NKAIN2: variants seen among roughly 807,000 people sequenced by gnomAD.
NKAIN2 encodes the protein sodium/potassium-transporting ATPase subunit beta-1-interacting protein 2.
Under a neutral mutation model 32.6 loss-of-function variants are expected in NKAIN2, and 14 were observed. The ratio of observed to expected loss-of-function variants is 0.43; its 90% CI spans 0.28 to 0.67. The LOEUF is 0.67. Among genes scored for constraint, NKAIN2 ranks in the 30% least tolerant of loss-of-function variants. The pLI is 0.17. For missense variants in NKAIN2, 198 were observed against 258.3 expected, an observed-to-expected ratio of 0.77 and a Z score of 1.60; for synonymous variants, 80 against 87.2, an observed-to-expected ratio of 0.92 and a Z score of 0.46.
chr6:124,647,407 C>T (rs1049109604), intron 3 of NKAIN2, among the ~76,000 whole-genome samples: 8 of 145,898 alleles, frequency 5.5e-5, no homozygotes, highest in South Asian at 2.2e-4. Context: ...ATTAGCCAGA[C>T]GTGCTCACTT....
chr6:124,211,108 G>A (rs1168286247), intron 1 of NKAIN2, among the ~76,000 whole-genome samples: 1 of 151,756 alleles, frequency 6.6e-6, no homozygotes, highest in Non-Finnish European at 1.5e-5. Flanking sequence ...CTGGAACAAT[G>A]TATATATTGT....
At chr6:124,780,827 C>A (rs766044453) in intron 4 of NKAIN2, among the ~76,000 whole-genome samples, 2 of 152,084 alleles carry the variant, frequency 1.3e-5, no homozygotes, top group Non-Finnish European at 2.9e-5. Context: ...TGTGTAGAAG[C>A]ACGTGTAAGC....
At position 124,180,867 on chromosome 6, in the gene NKAIN2, T is replaced by A. The variant is rs924996727; in HGVS notation, c.55-102138T>A. Among the ~76,000 whole-genome samples the A allele has an allele frequency of 5.3e-4, 81 of 152,052 alleles. 1 individual carries two copies. The highest frequency in any genetic ancestry group is 1.9e-3 in the African/African-American group (80 of 41,416). The stretch of plus-strand genomic sequence containing the variant: ...TTTCCAGGTGCATGGTACAAACAGT[T>A]GGTGGATCTACTATCGTGGGGTCTG... On this transcript the variant is annotated intron_variant, in intron 1 of 6. Transcript: ENST00000368417.
At chr6:124,652,866 T>G (rs1417404810) in intron 3 of NKAIN2, among the ~76,000 whole-genome samples, 1 of 152,204 alleles carries the variant, frequency 6.6e-6, no homozygotes, top group African/African-American at 2.4e-5. Flanking sequence ...TAATCATGTC[T>G]CATTAGGCTT....
chr6:124,515,700 T>G (rs1778882157), intron 3 of NKAIN2, among the ~76,000 whole-genome samples: 2 of 3,540 alleles, frequency 5.6e-4, no homozygotes, highest in East Asian at 0.1. Context: ...TACTTCATTT[T>G]TCTTCGCTTT....
intron 4 of NKAIN2, among the ~76,000 whole-genome samples, chr6:124,725,269 T>A (rs1432174188): frequency 6.6e-6 from 1 of 152,104 alleles, no homozygotes; most frequent in Non-Finnish European, 1.5e-5. Context: ...AAATGGGGTC[T>A]CATTTGTCAC....
chr6:124,406,525 T>C (rs1285976836), intron 3 of NKAIN2, among the ~76,000 whole-genome samples: 1 of 152,174 alleles, frequency 6.6e-6, no homozygotes, highest in East Asian at 1.9e-4. Flanking sequence ...CAAAGACTTG[T>C]ATATAATGAT....
chr6:124,010,677 G>C (rs1780282032), intron 1 of NKAIN2, among the ~76,000 whole-genome samples: 1 of 151,716 alleles, frequency 6.6e-6, no homozygotes, highest in Admixed American at 6.6e-5. Context: ...ATGCAGTGTG[G>C]GCTTTTGAAG....
chr6:124,227,624 A>C (rs747430784), intron 1 of NKAIN2, among the ~76,000 whole-genome samples: 22 of 152,160 alleles, frequency 1.4e-4, no homozygotes, highest in Non-Finnish European at 4.4e-5. Flanking sequence ...TTTTCCAGAG[A>C]TGCCGCAAGT....
In NKAIN2 at chr6:123,968,763, T is replaced by G. The variant is rs138887820; in HGVS notation, c.54+164509T>G. ...CTCTCTGGAATGCCCCTGTTAGCCT[T>G]ACAAATTTCTGCTCACCATTAATTG... On this transcript the variant is annotated intron_variant, in intron 1 of 6. Transcript: ENST00000368417. 4.3e-3 allele frequency among the ~76,000 whole-genome samples: 654 copies of G among 152,334 alleles called. 19 individuals are homozygous for G. In the South Asian group the frequency reaches 0.071, roughly 17 times the overall value.
At chr6:123,976,324 TGTTCCC>T (rs1391276830) in intron 1 of NKAIN2, among the ~76,000 whole-genome samples, 4 of 55,744 alleles carry the variant, frequency 7.2e-5, no homozygotes, top group Admixed American at 1.8e-4. Flanking sequence ...TATATATATA[TGTTCCC>T]ATATATATAT....
intron 1 of NKAIN2, among the ~76,000 whole-genome samples, chr6:124,273,500 T>C (rs1023987616): frequency 2.0e-5 from 3 of 152,224 alleles, no homozygotes; most frequent in Non-Finnish European, 2.9e-5. Context: ...TCTCAGGTAG[T>C]ATCTTTATAG....
intron 1 of NKAIN2, among the ~76,000 whole-genome samples, chr6:124,248,671 T>C (rs1793538677): frequency 6.6e-6 from 1 of 152,122 alleles, no homozygotes. Flanking sequence ...TGACTATAAC[T>C]TCCCCTAGCA....
intron 2 of NKAIN2, among the ~76,000 whole-genome samples, chr6:124,288,279 A>G (rs1795652698): frequency 6.6e-6 from 1 of 152,120 alleles, no homozygotes; most frequent in Non-Finnish European, 1.5e-5. Flanking sequence ...TGTCCTTGTA[A>G]CCACCACAGT....
At chr6:124,677,417 C>G (rs1037124116) in intron 4 of NKAIN2, among the ~76,000 whole-genome samples, 3 of 151,872 alleles carry the variant, frequency 2.0e-5, no homozygotes, top group East Asian at 1.9e-4. Flanking sequence ...TTTTTTTCAT[C>G]TTCTTTCACT....
At chr6:124,752,541 A>ATGTGTGTG (rs138478641) in intron 4 of NKAIN2, among the ~76,000 whole-genome samples, 24 of 148,984 alleles carry the variant, frequency 1.6e-4, no homozygotes, top group African/African-American at 5.6e-4. Context: ...ATATGTGGGT[A>ATGTGTGTG]TGTGTGTGTG....
At position 124,823,261 on chromosome 6, in the gene NKAIN2, C is replaced by T; in HGVS notation, c.*32C>T. 6.4e-7 allele frequency: 1 copy of T among 1,554,946 alleles called. No homozygotes were observed. The highest frequency in any genetic ancestry group is 8.9e-7 in the Non-Finnish European group (1 of 1,125,508). ...TGACTTCAGTATGTCAGCCCATGGA[C>T]CTTTCAAAGAACTTTTTTCGCAGTG... On this transcript the variant is annotated 3_prime_UTR_variant, in exon 7 of 7. Transcript: ENST00000368417.
At chr6:124,149,682 A>G (rs905318093) in intron 1 of NKAIN2, among the ~76,000 whole-genome samples, 6 of 152,182 alleles carry the variant, frequency 3.9e-5, no homozygotes, top group Non-Finnish European at 7.3e-5. Flanking sequence ...AATGACTGTA[A>G]TGATTGTAAT....
At chr6:124,033,969 T>A (rs941734389) in intron 1 of NKAIN2, among the ~76,000 whole-genome samples, 1 of 152,154 alleles carries the variant, frequency 6.6e-6, no homozygotes, top group African/African-American at 2.4e-5. Context: ...TGTTCACAAT[T>A]AAAGTTTGAA....
Sources: gnomAD v4.1 joint callset for allele counts (sites outside exome capture counted in the v4.1 genomes callset) on GRCh38, gnomAD v4.1.1 for gene constraint, MANE v1.5 for transcripts, NCBI Gene and HGNC (gene_info 2026-07-23, HGNC 2026-07-21) for gene names.